Variants in KCND2 observed in about 807,000 individuals in gnomAD.
KCND2 encodes the protein A-type voltage-gated potassium channel KCND2.
KCND2 carries 16 observed loss-of-function variants against 54.4 expected under a neutral mutation model. The ratio of observed to expected loss-of-function variants is 0.29; its 90% CI spans 0.20 to 0.45. The LOEUF is 0.45. Among genes scored for constraint, KCND2 ranks in the 20% least tolerant of loss-of-function variants. The pLI, the probability that KCND2 is intolerant of heterozygous loss-of-function variation, is 1.00. For missense variants in KCND2, 486 were observed against 824.2 expected (o/e 0.59, Z 5.02); for synonymous variants, 317 against 310.7 (o/e 1.02, Z -0.21).
intron 1 of KCND2, among the ~76,000 whole-genome samples, chr7:120,469,576 A>G (rs1016824882): frequency 1.3e-5 from 2 of 152,120 alleles, no homozygotes; most frequent in Non-Finnish European, 2.9e-5. Flanking sequence ...AAGCTCAGGA[A>G]CCAGTTCCAT....
intron 1 of KCND2, among the ~76,000 whole-genome samples, chr7:120,300,646 C>T (rs918417482): frequency 1.3e-5 from 2 of 151,950 alleles, no homozygotes; most frequent in African/African-American, 2.4e-5. Flanking sequence ...ATAAAATATT[C>T]TCATTAATCT....
chr7:120,319,044 C>T (rs1799854990), intron 1 of KCND2, among the ~76,000 whole-genome samples: 1 of 152,022 alleles, frequency 6.6e-6, no homozygotes, highest in African/African-American at 2.4e-5. Context: ...TTTCCTTTCA[C>T]CTATTACTTC....
At chr7:120,324,022 T>A (rs1404308760) in intron 1 of KCND2, among the ~76,000 whole-genome samples, 1 of 148,024 alleles carries the variant, frequency 6.8e-6, no homozygotes, top group African/African-American at 2.5e-5. Flanking sequence ...CTCATTGTGG[T>A]TTTGATTTGC....
chr7:120,547,168 T>C (rs1792051344), intron 1 of KCND2, among the ~76,000 whole-genome samples: 1 of 151,984 alleles, frequency 6.6e-6, no homozygotes, highest in Non-Finnish European at 1.5e-5. Flanking sequence ...TATATTTAAA[T>C]TTTCCTTCTG....
intron 1 of KCND2, among the ~76,000 whole-genome samples, chr7:120,446,872 A>G (rs541337256): frequency 6.6e-6 from 1 of 152,182 alleles, no homozygotes; most frequent in African/African-American, 2.4e-5. Context: ...CAATTCTAAC[A>G]TGGCATTTTG....
intron 1 of KCND2, among the ~76,000 whole-genome samples, chr7:120,628,055 A>G (rs1434402450): frequency 6.6e-6 from 1 of 152,208 alleles, no homozygotes; most frequent in Non-Finnish European, 1.5e-5. Flanking sequence ...AAAAATGCAC[A>G]TGTTGGTTCC....
At chr7:120,509,297 A>G (rs2116328670) in intron 1 of KCND2, among the ~76,000 whole-genome samples, 1 of 152,162 alleles carries the variant, frequency 6.6e-6, no homozygotes, top group East Asian at 1.9e-4. Flanking sequence ...ATAGTCTATC[A>G]CTATTGCTTC....
At chr7:120,668,455 C>T (rs1791953932) in intron 1 of KCND2, among the ~76,000 whole-genome samples, 1 of 152,028 alleles carries the variant, frequency 6.6e-6, no homozygotes, top group Non-Finnish European at 1.5e-5. Flanking sequence ...ATAATTATCC[C>T]TGCATTAAAA....
intron 1 of KCND2, among the ~76,000 whole-genome samples, chr7:120,346,418 G>C (rs1800316670): frequency 6.6e-6 from 1 of 152,116 alleles, no homozygotes; most frequent in African/African-American, 2.4e-5. Context: ...ATGGAAGTAT[G>C]AGTTACTAAT....
At chr7:120,437,212 T>C (rs935619211) in intron 1 of KCND2, among the ~76,000 whole-genome samples, 8 of 150,478 alleles carry the variant, frequency 5.3e-5, no homozygotes, top group African/African-American at 2.0e-4. Context: ...AACTTTTTTT[T>C]TTTTTTTTCA....
At chr7:120,607,142 T>C (rs1283893120) in intron 1 of KCND2, among the ~76,000 whole-genome samples, 1 of 151,964 alleles carries the variant, frequency 6.6e-6, no homozygotes, top group Non-Finnish European at 1.5e-5. Flanking sequence ...TGAGAACAGG[T>C]AAAGTTAAAA....
chr7:120,533,556 G>C (rs1339588378), intron 1 of KCND2, among the ~76,000 whole-genome samples: 1 of 152,072 alleles, frequency 6.6e-6, no homozygotes. Flanking sequence ...TGGTGGTACT[G>C]CTCTTAAAAA....
chr7:120,285,501 T>G (rs1399788976), intron 1 of KCND2, among the ~76,000 whole-genome samples: 1 of 151,998 alleles, frequency 6.6e-6, no homozygotes, highest in Non-Finnish European at 1.5e-5. Context: ...CTCATAGACA[T>G]TCAGAAGAGG....
At chr7:120,301,562 C>CT (rs1408760919) in intron 1 of KCND2, among the ~76,000 whole-genome samples, 11 of 152,030 alleles carry the variant, frequency 7.2e-5, no homozygotes, top group African/African-American at 2.7e-4. Flanking sequence ...GAATTGCATA[C>CT]TTTTTTATAA....
chr7:120,366,236 G>A (rs769643852), intron 1 of KCND2, among the ~76,000 whole-genome samples: 1 of 152,094 alleles, frequency 6.6e-6, no homozygotes, highest in East Asian at 1.9e-4. Flanking sequence ...TGTAACACCA[G>A]CACTTTGGGA....
At chr7:120,294,745 C>T (rs533644691) in intron 1 of KCND2, among the ~76,000 whole-genome samples, 1 of 151,804 alleles carries the variant, frequency 6.6e-6, no homozygotes, top group South Asian at 2.1e-4. Context: ...TCTTATTAGC[C>T]AAACACTTAT....
intron 1 of KCND2, among the ~76,000 whole-genome samples, chr7:120,447,599 A>G (rs558022762): frequency 6.6e-6 from 1 of 152,232 alleles, no homozygotes; most frequent in East Asian, 1.9e-4. Context: ...AGAATAATAA[A>G]CTTTGTTGCT....
At chr7:120,491,369 A>G (rs1321477310) in intron 1 of KCND2, among the ~76,000 whole-genome samples, 1 of 152,170 alleles carries the variant, frequency 6.6e-6, no homozygotes, top group East Asian at 1.9e-4. Context: ...AATAGTGGAT[A>G]TGTATGATTA....
At chr7:120,335,456 T>TTTACTTAC (rs1161790755) in intron 1 of KCND2, among the ~76,000 whole-genome samples, 5 of 138,800 alleles carry the variant, frequency 3.6e-5, no homozygotes, top group African/African-American at 1.3e-4. Context: ...TATTTATTTA[T>TTTACTTAC]TTACTTACTT....
Sources: allele counts gnomAD v4.1 joint callset (sites outside exome capture counted in the v4.1 genomes callset), GRCh38; gene constraint gnomAD v4.1.1; transcripts MANE v1.5; gene names NCBI Gene and HGNC (gene_info 2026-07-23, HGNC 2026-07-21).